The following BMPR1B variants were observed in gnomAD, a reference collection of about 807,000 sequenced individuals.
BMPR1B encodes bone morphogenetic protein receptor type-1B.
A neutral mutation model predicts 59.1 loss-of-function variants in BMPR1B; 12 were observed. That is an observed-to-expected ratio of 0.20 (90% confidence interval 0.13 to 0.33). BMPR1B has a LOEUF of 0.33. Among genes scored for constraint, BMPR1B ranks in the 10% least tolerant of loss-of-function variants. The pLI is 1.00. For missense variants in BMPR1B, 550 were observed against 610.9 expected (o/e 0.90, Z 1.05); for synonymous variants, 237 against 207.3 (o/e 1.14, Z -1.23).
At chr4:94,853,158 C>T (rs1016194600) in intron 1 of BMPR1B, among the ~76,000 whole-genome samples, 11 of 152,002 alleles carry the variant, frequency 7.2e-5, no homozygotes, top group South Asian at 2.1e-4. Flanking sequence ...TAAAAATGAG[C>T]AAATGTTTAT....
chr4:94,949,152 T>C (rs1480193937), intron 2 of BMPR1B, among the ~76,000 whole-genome samples: 1 of 152,180 alleles, frequency 6.6e-6, no homozygotes, highest in African/African-American at 2.4e-5. Context: ...GGCCCTGGTG[T>C]GTGAGGTTCC....
chr4:94,952,329 CTA>C, intron 2 of BMPR1B, among the ~76,000 whole-genome samples: 1 of 152,260 alleles, frequency 6.6e-6, no homozygotes, highest in East Asian at 1.9e-4. Flanking sequence ...TCTTGCTTCT[CTA>C]ATTCTTTTAA....
chr4:95,117,600 T>C (rs1732163463), intron 6 of BMPR1B, among the ~76,000 whole-genome samples: 1 of 151,512 alleles, frequency 6.6e-6, no homozygotes, highest in African/African-American at 2.4e-5. Flanking sequence ...CTGGGCAACA[T>C]AGCAAGGCTC....
chr4:95,091,657 CAG>C (rs1416844393), intron 3 of BMPR1B: 1 of 984,070 alleles, frequency 1.0e-6, no homozygotes, highest in Non-Finnish European at 1.2e-6. Flanking sequence ...TTATATCTCA[CAG>C]AGACTGTTTT....
At chr4:95,088,495 C>G (rs1027261130) in intron 3 of BMPR1B, among the ~76,000 whole-genome samples, 4 of 152,052 alleles carry the variant, frequency 2.6e-5, no homozygotes, top group Non-Finnish European at 4.4e-5. Flanking sequence ...GGGCAAAGAA[C>G]TTTTAGGATA....
At chr4:95,015,617 C>T (rs893673568) in intron 3 of BMPR1B, among the ~76,000 whole-genome samples, 1 of 152,042 alleles carries the variant, frequency 6.6e-6, no homozygotes, top group Non-Finnish European at 1.5e-5. Flanking sequence ...TAGCTCCTGA[C>T]CTCAGGTGAT....
Position 94,762,114 on chromosome 4 carries a change from T to A in BMPR1B, c.-183+4046T>A, listed in dbSNP as rs139090155. On this transcript the variant is annotated intron_variant, in intron 1 of 12. Coordinates refer to ENST00000515059, the MANE Select transcript of BMPR1B (RefSeq NM_001203.3). ...TAATTTACATCAGGCAATAATTTGT[T>A]TTCATGATGTTCAGGACATCCACTT... is the stretch of plus-strand genomic sequence containing the variant. Among the ~76,000 whole-genome samples, 15 of 152,352 alleles carry A rather than the reference T, an allele frequency of 9.8e-5. No individual in the cohort carries two copies. In the East Asian group the frequency reaches 1.7e-3, roughly 18 times the overall value.
At chr4:94,901,640 A>G (rs1727812433) in intron 2 of BMPR1B, among the ~76,000 whole-genome samples, 1 of 152,038 alleles carries the variant, frequency 6.6e-6, no homozygotes, top group African/African-American at 2.4e-5. Context: ...AATTAAAACA[A>G]CAATGAAATA....
chr4:94,927,521 G>T (rs73838608), intron 2 of BMPR1B, among the ~76,000 whole-genome samples: 2,366 of 152,216 alleles, frequency 0.016, 67 homozygotes, highest in African/African-American at 0.049. Flanking sequence ...ATTATTGAAG[G>T]ATCAAGTAGT....
Position 94,973,602 on chromosome 4 carries a change from G to A in BMPR1B, c.-112-22438G>A, listed in dbSNP as rs190299150. ...TTTTTATAAACACAGGATAGGGCAG[G>A]GTGGGGCCATGGGTTGTTTAGGAAA... is the stretch of plus-strand genomic sequence containing the variant. On this transcript the variant is annotated intron_variant, in intron 2 of 12. Coordinates refer to ENST00000515059, the MANE Select transcript of BMPR1B (RefSeq NM_001203.3). Among the ~76,000 whole-genome samples the A allele has an allele frequency of 7.9e-5, 12 of 152,258 alleles. No individual in the cohort carries two copies. The East Asian group carries it at 2.3e-3, about 29-fold the overall frequency.
At chr4:94,871,619 A>G (rs1726501518) in intron 1 of BMPR1B, among the ~76,000 whole-genome samples, 1 of 152,200 alleles carries the variant, frequency 6.6e-6, no homozygotes, top group African/African-American at 2.4e-5. Context: ...AGAATTTAAT[A>G]ATTAGTTATA....
chr4:95,031,807 A>G (rs150923588), intron 3 of BMPR1B, among the ~76,000 whole-genome samples: 2 of 152,216 alleles, frequency 1.3e-5, no homozygotes, highest in Non-Finnish European at 2.9e-5. Context: ...CACTCCTGTA[A>G]TCTCAGCACT....
In BMPR1B at chr4:94,818,190, A is replaced by ATTGTGCTTT. The variant is rs201778078; in HGVS notation, c.-182-57639_-182-57631dup. On this transcript the variant is annotated intron_variant, in intron 1 of 12. Coordinates refer to ENST00000515059, the MANE Select transcript of BMPR1B (RefSeq NM_001203.3). ...TATTTTATACAAGCCTCTGTGGTAA[A>ATTGTGCTTT]TTGTGCTTTTAGTTATACTTTTATT... Among the ~76,000 whole-genome samples, 1,436 of 152,132 alleles carry ATTGTGCTTT rather than the reference A, an allele frequency of 9.4e-3. 20 individuals carry two copies. Among genetic ancestry groups the ATTGTGCTTT allele is most frequent in the African/African-American group, 0.032 (1,340 of 41,486 alleles).
At chr4:94,858,968 T>A (rs1725873894) in intron 1 of BMPR1B, among the ~76,000 whole-genome samples, 1 of 152,256 alleles carries the variant, frequency 6.6e-6, no homozygotes, top group Non-Finnish European at 1.5e-5. Flanking sequence ...TCTTTAGAGA[T>A]GACTACCTTT....
Position 94,952,904 on chromosome 4 carries a change from G to T in BMPR1B, c.-112-43136G>T, listed in dbSNP as rs952419232. 2.0e-5 allele frequency among the ~76,000 whole-genome samples: 3 copies of T among 152,124 alleles called. No individual in the cohort carries two copies. In the South Asian group the frequency reaches 6.2e-4, roughly 32 times the overall value. On this transcript the variant is annotated intron_variant, in intron 2 of 12. Transcript: ENST00000515059. ...ATAGTGTGGGAACCTAAGTCTCTTT[G>T]TAGGTCTCTAAAAACTTATGTTATG...
At chr4:94,986,990 G>C (rs1440683959) in intron 2 of BMPR1B, among the ~76,000 whole-genome samples, 2 of 149,244 alleles carry the variant, frequency 1.3e-5, no homozygotes, top group East Asian at 3.9e-4. Context: ...GCAGTGAGCC[G>C]AGATCGCGCC....
At chr4:95,013,248 T>C (rs1164188520) in intron 3 of BMPR1B, among the ~76,000 whole-genome samples, 1 of 152,202 alleles carries the variant, frequency 6.6e-6, no homozygotes, top group Non-Finnish European at 1.5e-5. Flanking sequence ...TAGAATTTTA[T>C]TTTTATGGTT....
intron 3 of BMPR1B, among the ~76,000 whole-genome samples, chr4:95,090,288 A>G (rs1729885177): frequency 6.6e-6 from 1 of 151,900 alleles, no homozygotes; most frequent in East Asian, 1.9e-4. Flanking sequence ...TTTAAATTAT[A>G]GTTACATTTT....
At chr4:94,965,073 T>C (rs1322269054) in intron 2 of BMPR1B, among the ~76,000 whole-genome samples, 1 of 152,164 alleles carries the variant, frequency 6.6e-6, no homozygotes, top group Non-Finnish European at 1.5e-5. Context: ...TAGAACTTGA[T>C]GTGCGGAGCT....
Sources: allele counts gnomAD v4.1 joint callset (sites outside exome capture counted in the v4.1 genomes callset), GRCh38; gene constraint gnomAD v4.1.1; transcripts MANE v1.5; gene names NCBI Gene and HGNC (gene_info 2026-07-23, HGNC 2026-07-21).